RIT2: variants seen among roughly 807,000 people sequenced by gnomAD.
The protein encoded by RIT2 is GTP-binding protein Rit2.
Under a neutral mutation model 23.7 loss-of-function variants are expected in RIT2, and 24 were observed. That is an observed-to-expected ratio of 1.01 (90% CI 0.73 to 1.43). The LOEUF (loss-of-function observed/expected upper bound fraction) is 1.43, where lower values mean the gene tolerates loss of function less well. RIT2 is among the 40% of genes most tolerant of loss of function. RIT2 has a pLI of 0.00. For synonymous variants in RIT2, 107 were observed against 91.1 expected, an observed-to-expected ratio of 1.17 and a Z score of -0.99; for missense variants, 236 against 266.9, an observed-to-expected ratio of 0.88 and a Z score of 0.81.
chr18:43,105,131 T>TG lies in RIT2; in HGVS notation c.103+10285_103+10286insC, dbSNP rs200030196. Reference sequence around the variant, plus strand: ...GTGTGTGTGTGTGTGTGTGTGTGTGTTTGTGTGTGTGTGTGTGTGTTTGTG... The same window carrying TG: ...GTGTGTGTGTGTGTGTGTGTGTGTGTGTTGTGTGTGTGTGTGTGTGTTTGTG... On this transcript the variant is annotated intron_variant, in intron 1 of 4. Coordinates refer to ENST00000326695, the MANE Select transcript of RIT2 (RefSeq NM_002930.4). Among the ~76,000 whole-genome samples the TG allele has an allele frequency of 4.1e-3, 610 of 149,120 alleles. 1 individual carries two copies. Among genetic ancestry groups the TG allele is most frequent in the Middle Eastern group, 0.01 (3 of 286 alleles).
intron 4 of RIT2, among the ~76,000 whole-genome samples, chr18:42,839,381 G>A (rs1272763716): frequency 6.6e-6 from 1 of 152,138 alleles, no homozygotes; most frequent in East Asian, 1.9e-4. Context: ...GGAATTTCTT[G>A]AGAGCCATGT....
chr18:42,881,795 A>G (rs1442287312), intron 4 of RIT2, among the ~76,000 whole-genome samples: 1 of 152,176 alleles, frequency 6.6e-6, no homozygotes, highest in Non-Finnish European at 1.5e-5. Context: ...ATGGCCTATT[A>G]GATCAAGAGT....
At chr18:42,850,134 T>C (rs2144035022) in intron 4 of RIT2, among the ~76,000 whole-genome samples, 1 of 150,464 alleles carries the variant, frequency 6.6e-6, no homozygotes, top group South Asian at 2.1e-4. Context: ...ACGAGATTAA[T>C]AAAAGGTTAA....
chr18:42,918,855 C>T (rs552593787), intron 4 of RIT2, among the ~76,000 whole-genome samples: 1 of 152,246 alleles, frequency 6.6e-6, no homozygotes, highest in South Asian at 2.1e-4. Flanking sequence ...CCTAAAATAA[C>T]CGTCACCATT....
chr18:42,963,709 A>G (rs184055887), intron 3 of RIT2, among the ~76,000 whole-genome samples: 370 of 152,252 alleles, frequency 2.4e-3, no homozygotes, highest in African/African-American at 8.4e-3. Flanking sequence ...CCTGGTCAAC[A>G]TGGTGAAACC....
At chr18:42,894,206 G>A (rs1040687983) in intron 4 of RIT2, among the ~76,000 whole-genome samples, 3 of 152,198 alleles carry the variant, frequency 2.0e-5, no homozygotes, top group African/African-American at 7.2e-5. Flanking sequence ...AGTCAATGCA[G>A]TAAGTGCTTT....
chr18:42,912,506 G>A (rs1200638739), intron 4 of RIT2, among the ~76,000 whole-genome samples: 1 of 151,898 alleles, frequency 6.6e-6, no homozygotes, highest in Admixed American at 6.6e-5. Flanking sequence ...TCACAAGCTT[G>A]TCTGTCTAGA....
intron 3 of RIT2, among the ~76,000 whole-genome samples, chr18:42,951,112 C>G (rs985928994): frequency 6.6e-6 from 1 of 152,092 alleles, no homozygotes; most frequent in South Asian, 2.1e-4. Flanking sequence ...AAGACACATG[C>G]ACTTGCATGT....
intron 2 of RIT2, among the ~76,000 whole-genome samples, chr18:43,013,933 A>G (rs1911412327): frequency 6.6e-6 from 1 of 151,782 alleles, no homozygotes; most frequent in South Asian, 2.1e-4. Flanking sequence ...TTGAGTCATT[A>G]AGCTTCTCTT....
intron 3 of RIT2, among the ~76,000 whole-genome samples, chr18:42,963,292 G>A (rs1317859704): frequency 2.0e-5 from 3 of 152,160 alleles, no homozygotes; most frequent in Non-Finnish European, 4.4e-5. Flanking sequence ...ATTGAAAATA[G>A]TTACTTAATT....
chr18:42,797,033 G>T lies in RIT2; in HGVS notation c.427-53313C>A, dbSNP rs558267776. 2.6e-5 allele frequency among the ~76,000 whole-genome samples: 4 copies of T among 152,082 alleles called. No homozygotes were observed. In the East Asian group the frequency reaches 7.7e-4, roughly 29 times the overall value. On this transcript the variant is annotated intron_variant, in intron 4 of 4. Transcript: ENST00000326695. ...ATCCATATGTACCTATTGGTAACAAGGAATAAGAACTTCATAAGATTATTA... is the reference window on the plus strand; with the variant it reads ...ATCCATATGTACCTATTGGTAACAATGAATAAGAACTTCATAAGATTATTA...
At chr18:43,056,927 T>C (rs1470920463) in intron 1 of RIT2, among the ~76,000 whole-genome samples, 1 of 152,006 alleles carries the variant, frequency 6.6e-6, no homozygotes, top group Non-Finnish European at 1.5e-5. Flanking sequence ...ATTTCCATAA[T>C]AAACTTTGAT....
intron 4 of RIT2, among the ~76,000 whole-genome samples, chr18:42,807,569 A>T (rs560307725): frequency 1.3e-5 from 2 of 152,318 alleles, no homozygotes; most frequent in South Asian, 4.1e-4. Context: ...GTGAGCCAAG[A>T]TCGCACCACT....
At chr18:42,810,760 ACCTTCTAATG>A (rs1251562445) in intron 4 of RIT2, among the ~76,000 whole-genome samples, 1 of 151,932 alleles carries the variant, frequency 6.6e-6, no homozygotes, top group East Asian at 1.9e-4. Context: ...CTCTACATGA[ACCTTCTAATG>A]CCTTCTCACT....
At chr18:42,744,661 A>G (rs1462747070) in intron 4 of RIT2, among the ~76,000 whole-genome samples, 1 of 152,192 alleles carries the variant, frequency 6.6e-6, no homozygotes, top group African/African-American at 2.4e-5. Flanking sequence ...CATCTAGAAG[A>G]GGCACATGCT....
intron 4 of RIT2, among the ~76,000 whole-genome samples, chr18:42,825,395 G>C (rs986333666): frequency 6.6e-6 from 1 of 151,658 alleles, no homozygotes; most frequent in Non-Finnish European, 1.5e-5. Flanking sequence ...TTAATTGATT[G>C]CTTGATTAAA....
intron 2 of RIT2, among the ~76,000 whole-genome samples, chr18:42,976,070 T>C (rs1250368783): frequency 2.6e-5 from 4 of 152,124 alleles, no homozygotes; most frequent in Non-Finnish European, 5.9e-5. Context: ...AATTTCCACA[T>C]GTTGTAAATC....
intron 4 of RIT2, among the ~76,000 whole-genome samples, chr18:42,763,271 G>T (rs889480597): frequency 6.6e-6 from 1 of 152,108 alleles, no homozygotes; most frequent in Non-Finnish European, 1.5e-5. Context: ...GACCATCCTG[G>T]CTAACAAGGT....
At chr18:42,810,574 G>T (rs1905823329) in intron 4 of RIT2, among the ~76,000 whole-genome samples, 1 of 151,812 alleles carries the variant, frequency 6.6e-6, no homozygotes, top group Non-Finnish European at 1.5e-5. Flanking sequence ...AAATAGAGAG[G>T]CTATTCTCTG....
Sources: allele counts gnomAD v4.1 joint callset (sites outside exome capture counted in the v4.1 genomes callset), GRCh38; gene constraint gnomAD v4.1.1; transcripts MANE v1.5; gene names NCBI Gene and HGNC (gene_info 2026-07-23, HGNC 2026-07-21).